The following PLS1 variants were observed in gnomAD, a reference collection of about 807,000 sequenced individuals.
The protein encoded by PLS1 is plastin-1.
PLS1 carries 32 observed loss-of-function variants against 73.7 expected under a neutral mutation model. The ratio of observed to expected loss-of-function variants is 0.43; its 90% CI spans 0.33 to 0.58. The LOEUF is 0.58. Ranked by LOEUF, PLS1 falls within the 20% of genes least tolerant of loss-of-function variation. The probability of loss-of-function intolerance (pLI) is 0.04; values close to 1 mark genes in which losing one functional copy is unlikely to be tolerated. For synonymous variants in PLS1, 217 were observed against 261.3 expected (o/e 0.83, Z 1.63); for missense variants, 633 against 740.5 (o/e 0.85, Z 1.68).
At chr3:142,710,775 T>C (rs1933087769) in intron 14 of PLS1, among the ~76,000 whole-genome samples, 1 of 152,184 alleles carries the variant, frequency 6.6e-6, no homozygotes, top group Non-Finnish European at 1.5e-5. Context: ...TGATAAGTGG[T>C]AAAAATCAGT....
chr3:142,610,883 C>T (rs113501917), intron 1 of PLS1, among the ~76,000 whole-genome samples: 68 of 152,352 alleles, frequency 4.5e-4, no homozygotes, highest in African/African-American at 1.5e-3. Flanking sequence ...GGCCCAGGCA[C>T]TGAGCTAGGC....
At chr3:142,692,110 G>A (rs1008693118) in intron 10 of PLS1, among the ~76,000 whole-genome samples, 2 of 152,084 alleles carry the variant, frequency 1.3e-5, no homozygotes, top group African/African-American at 4.8e-5. Flanking sequence ...GAAGAATACA[G>A]TATGTGTTTA....
intron 8 of PLS1, among the ~76,000 whole-genome samples, chr3:142,685,561 C>G (rs959411101): frequency 1.3e-5 from 2 of 152,178 alleles, no homozygotes; most frequent in Non-Finnish European, 2.9e-5. Context: ...TGTCTGGTGC[C>G]TCAGTGCTCC....
chr3:142,686,966 A>C (rs1371281558), intron 9 of PLS1, among the ~76,000 whole-genome samples: 1 of 152,220 alleles, frequency 6.6e-6, no homozygotes, highest in East Asian at 1.9e-4. Context: ...GCAATCAATT[A>C]TCAGTTTTAC....
intron 6 of PLS1, among the ~76,000 whole-genome samples, chr3:142,682,781 G>A (rs896251390): frequency 2.0e-5 from 3 of 152,168 alleles, no homozygotes; most frequent in Admixed American, 6.5e-5. Context: ...AACATTTGAA[G>A]CAGGAGTGTT....
At chr3:142,632,808 G>A (rs1036179226) in intron 1 of PLS1, among the ~76,000 whole-genome samples, 2 of 152,098 alleles carry the variant, frequency 1.3e-5, no homozygotes, top group Non-Finnish European at 2.9e-5. Context: ...CATGTTGGCC[G>A]GGCTGGTCTC....
intron 1 of PLS1, among the ~76,000 whole-genome samples, chr3:142,635,734 A>G (rs755196926): frequency 3.9e-5 from 6 of 152,234 alleles, no homozygotes; most frequent in Non-Finnish European, 5.9e-5. Flanking sequence ...CTATTTTAGT[A>G]GAAATGGACA....
intron 11 of PLS1, 29 bp downstream of exon 11, chr3:142,694,576 C>A: frequency 1.6e-6 from 2 of 1,282,382 alleles, no homozygotes; most frequent in Non-Finnish European, 2.3e-6. Context: ...TTCAGCTTTA[C>A]TGTCAGGGTC....
chr3:142,710,167 CTTTTTTTT>C (rs201238880), intron 14 of PLS1, among the ~76,000 whole-genome samples: 1 of 131,622 alleles, frequency 7.6e-6, no homozygotes, highest in African/African-American at 2.8e-5. Context: ...ATTCAGGACT[CTTTTTTTT>C]TTTTTTTTTT....
At chr3:142,639,243 C>G (rs2036777680) in intron 1 of PLS1, among the ~76,000 whole-genome samples, 1 of 152,150 alleles carries the variant, frequency 6.6e-6, no homozygotes, top group South Asian at 2.1e-4. Context: ...TGTCATTTCT[C>G]TTAAACCAGC....
intron 1 of PLS1, among the ~76,000 whole-genome samples, chr3:142,600,906 A>G (rs1408620150): frequency 3.4e-5 from 1 of 29,598 alleles, no homozygotes; most frequent in African/African-American, 2.5e-4. Context: ...ATATATATAT[A>G]TATATATATA....
At chr3:142,684,207 T>C (rs1426048354) in intron 7 of PLS1, 36 bp downstream of exon 7, 3 of 1,613,860 alleles carry the variant, frequency 1.9e-6, no homozygotes, top group Non-Finnish European at 2.5e-6. Context: ...TTCATTGACA[T>C]GTACTTGCTA....
intron 1 of PLS1, among the ~76,000 whole-genome samples, chr3:142,656,016 C>T (rs2107805201): frequency 6.6e-6 from 1 of 152,202 alleles, no homozygotes; most frequent in South Asian, 2.1e-4. Context: ...GGCTGGAGTG[C>T]AGTGGTGCAA....
At chr3:142,665,462 T>C (rs1324696785) in intron 2 of PLS1, among the ~76,000 whole-genome samples, 3 of 152,198 alleles carry the variant, frequency 2.0e-5, no homozygotes, top group Non-Finnish European at 4.4e-5. Context: ...TGGTATGATT[T>C]TCAGAAAACA....
intron 4 of PLS1, among the ~76,000 whole-genome samples, chr3:142,675,926 TTGGAAG>T (rs2037715071): frequency 6.7e-6 from 1 of 148,162 alleles, no homozygotes; most frequent in South Asian, 2.2e-4. Flanking sequence ...TCAGCCCGCC[TTGGAAG>T]TGCTTTGGGA....
chr3:142,709,606 G>C (rs934388957), intron 14 of PLS1, among the ~76,000 whole-genome samples: 3 of 152,160 alleles, frequency 2.0e-5, no homozygotes, highest in Non-Finnish European at 4.4e-5. Context: ...CACGAGGTCA[G>C]GAGATCACAA....
chr3:142,662,801 T>C lies in PLS1; in HGVS notation c.-36-1401T>C, dbSNP rs116096312. ...TAATATGTAGCCATTAAGTATTATG[T>C]TGATGAACAACATGAAAACATAGTG... On this transcript the variant is annotated intron_variant, in intron 1 of 15. Coordinates refer to ENST00000457734, the MANE Select transcript of PLS1 (RefSeq NM_001145319.2). Among the ~76,000 whole-genome samples the C allele has an allele frequency of 6.5e-4, 99 of 152,306 alleles. 2 individuals carry two copies. The highest frequency in any genetic ancestry group is 2.3e-3 in the African/African-American group (95 of 41,574).
rs149055174 is a variant in PLS1 at position 142,654,476 on chromosome 3, G to A, written c.-36-9726G>A. ...TGCTCCCATCTCAGCCTCCCAAGTA[G>A]TAGGACTATAGGTGCGTACCACCAT... On this transcript the variant is annotated intron_variant, in intron 1 of 15. Transcript: ENST00000457734. Among the ~76,000 whole-genome samples the A allele has an allele frequency of 7.3e-3, 1,105 of 152,248 alleles. 8 individuals are homozygous for A. The highest frequency in any genetic ancestry group is 0.014 in the Middle Eastern group (4 of 294).
rs536642607 is a variant in PLS1 at position 142,666,926 on chromosome 3, A to G, written c.71-2464A>G. On this transcript the variant is annotated intron_variant, in intron 2 of 15. Coordinates refer to ENST00000457734, the MANE Select transcript of PLS1 (RefSeq NM_001145319.2). ...TCTAATGTGCTTATTGGCCAATTGT[A>G]TATCTTCTCTGGAGAAATGTCATTT... Among the ~76,000 whole-genome samples, 8 of 152,292 alleles carry G rather than the reference A, an allele frequency of 5.3e-5. No homozygotes were observed. The East Asian group carries it at 7.7e-4, about 15-fold the overall frequency.
Sources: allele counts gnomAD v4.1 joint callset (sites outside exome capture counted in the v4.1 genomes callset), GRCh38; gene constraint gnomAD v4.1.1; transcripts MANE v1.5; gene names NCBI Gene and HGNC (gene_info 2026-07-23, HGNC 2026-07-21).